MATCAP1: variants seen among roughly 807,000 people sequenced by gnomAD.
The protein encoded by MATCAP1 is microtubule-associated tyrosine carboxypeptidase 1.
the MATCAP1 span, chr16:67,176,884 C>T: frequency 9.3e-6 from 15 of 1,610,326 alleles, no homozygotes; most frequent in Middle Eastern, 1.6e-4. This position sits in a 1 kb window ranked among gnomAD's most constrained non-coding sequence, Gnocchi z 4.3. Flanking sequence ...CAGCTGCTGC[C>T]GGTAGCGTGC....
At chr16:67,175,953 GC>G in the MATCAP1 span, 2 of 152,562 alleles carry the variant, frequency 1.3e-5, no homozygotes, top group Non-Finnish European at 2.9e-5. Context: ...CCAGAGAGCA[GC>G]TGTGAGGGTG....
chr16:67,180,844 C>T, the MATCAP1 span, among the ~76,000 whole-genome samples: 5 of 152,258 alleles, frequency 3.3e-5, no homozygotes, highest in East Asian at 1.9e-4. Flanking sequence ...TATGCTGGGC[C>T]GGAAGAAAGC....
chr16:67,179,622 C>T, the MATCAP1 span: 1 of 1,534,496 alleles, frequency 6.5e-7, no homozygotes, highest in Non-Finnish European at 9.0e-7. This position sits in a 1 kb window ranked among gnomAD's most constrained non-coding sequence, Gnocchi z 5.2. Context: ...GCAGGTGGAC[C>T]CAATGATGCC....
chr16:67,179,680 A>C, the MATCAP1 span: 25 of 1,473,478 alleles, frequency 1.7e-5, no homozygotes, highest in Non-Finnish European at 1.9e-5. This position sits in a 1 kb window ranked among gnomAD's most constrained non-coding sequence, Gnocchi z 5.2. Context: ...ACCCTTCATC[A>C]CCTCTGCTCA....
chr16:67,182,401 A>G, the MATCAP1 span, among the ~76,000 whole-genome samples: 3 of 152,176 alleles, frequency 2.0e-5, no homozygotes, highest in Non-Finnish European at 2.9e-5. Context: ...GGACTTGCCT[A>G]TGGAAACTTC....
At chr16:67,179,042 T>A in the MATCAP1 span, 1 of 1,091,786 alleles carries the variant, frequency 9.2e-7, no homozygotes, top group Non-Finnish European at 1.2e-6. This position sits in a 1 kb window ranked among gnomAD's most constrained non-coding sequence, Gnocchi z 5.2. Flanking sequence ...TCAAGTCAAG[T>A]CCATTCCCAG....
chr16:67,179,677 A>G, the MATCAP1 span: 1 of 1,475,130 alleles, frequency 6.8e-7, no homozygotes, highest in Non-Finnish European at 9.4e-7. The surrounding 1 kb of genome is among the most constrained non-coding windows in gnomAD (Gnocchi z 5.2). Context: ...CCCACCCTTC[A>G]TCACCTCTGC....
At chr16:67,179,362 T>A in the MATCAP1 span, 1 of 1,536,866 alleles carries the variant, frequency 6.5e-7, no homozygotes, top group Admixed American at 1.9e-5. This position sits in a 1 kb window ranked among gnomAD's most constrained non-coding sequence, Gnocchi z 5.2. Flanking sequence ...GGGCCCCTCC[T>A]TCCCACCCCT....
the MATCAP1 span, chr16:67,183,958 A>G: frequency 7.2e-5 from 14 of 195,576 alleles, no homozygotes; most frequent in Admixed American, 5.0e-4. Context: ...GTCGCCGATG[A>G]CGTACGTCCT....
the MATCAP1 span, chr16:67,175,966 G>C: frequency 6.6e-6 from 1 of 152,656 alleles, no homozygotes; most frequent in African/African-American, 2.4e-5. Context: ...GTGAGGGTGT[G>C]AGCAAAGACA....
the MATCAP1 span, chr16:67,178,075 C>G: frequency 1.9e-6 from 3 of 1,614,166 alleles, no homozygotes; most frequent in Non-Finnish European, 2.5e-6. Context: ...CGCACGATGC[C>G]GTCCAGGTAC....
the MATCAP1 span, chr16:67,180,163 G>A: frequency 2.5e-5 from 40 of 1,614,086 alleles, no homozygotes; most frequent in Admixed American, 3.3e-5. Flanking sequence ...TCTCGCTCAC[G>A]GTCCATGTTG....
chr16:67,177,410 C>T, the MATCAP1 span, among the ~76,000 whole-genome samples: 59 of 152,298 alleles, frequency 3.9e-4, no homozygotes, highest in African/African-American at 1.3e-3. Context: ...TCAGGGTAGC[C>T]GCTGAGTTAA....
the MATCAP1 span, chr16:67,175,851 G>C: frequency 3.3e-5 from 5 of 152,316 alleles, no homozygotes; most frequent in African/African-American, 9.6e-5. Flanking sequence ...CACCTCACCT[G>C]GTCTAAGAGG....
the MATCAP1 span, among the ~76,000 whole-genome samples, chr16:67,177,448 C>T: frequency 6.6e-6 from 1 of 152,328 alleles, no homozygotes; most frequent in Middle Eastern, 3.4e-3. Context: ...AAGAGCTCTC[C>T]AGCTTGTCCC....
the MATCAP1 span, chr16:67,179,655 T>C: frequency 6.8e-7 from 1 of 1,471,606 alleles, no homozygotes; most frequent in Non-Finnish European, 9.4e-7. The surrounding 1 kb of genome is among the most constrained non-coding windows in gnomAD (Gnocchi z 5.2). Context: ...GGCCAGACAA[T>C]TGGCCAGGGC....
the MATCAP1 span, chr16:67,179,568 G>A: frequency 6.2e-7 from 1 of 1,611,688 alleles, no homozygotes; most frequent in African/African-American, 1.3e-5. This position sits in a 1 kb window ranked among gnomAD's most constrained non-coding sequence, Gnocchi z 5.2. Flanking sequence ...ACAACCTGCA[G>A]GTGGCAGTGC....
At chr16:67,181,107 G>T in the MATCAP1 span, among the ~76,000 whole-genome samples, 1 of 152,362 alleles carries the variant, frequency 6.6e-6, no homozygotes, top group East Asian at 1.9e-4. Context: ...CAAGGACTGA[G>T]CCCCTTACTC....
At chr16:67,180,810 T>C in the MATCAP1 span, 1 of 427,542 alleles carries the variant, frequency 2.3e-6, no homozygotes, top group Non-Finnish European at 4.1e-6. Context: ...GCAGCGTCCA[T>C]TGCCTCCAGC....
Sources: allele counts gnomAD v4.1 joint callset (sites outside exome capture counted in the v4.1 genomes callset), GRCh38; gene constraint gnomAD v4.1.1; non-coding constraint Gnocchi (gnomAD v3.1); transcripts MANE v1.5; gene names NCBI Gene and HGNC (gene_info 2026-07-23, HGNC 2026-07-21).